PCDHA9: variants seen among roughly 807,000 people sequenced by gnomAD.
PCDHA9 encodes protocadherin alpha-9.
PCDHA9 carries 62 observed loss-of-function variants against 62.0 expected under a neutral mutation model. That is an observed-to-expected ratio of 1.00 (90% CI 0.81 to 1.23). PCDHA9 has a LOEUF of 1.23. PCDHA9 is among the 50% of genes most tolerant of loss of function. The probability of loss-of-function intolerance (pLI) is 0.00; values close to 1 mark genes in which losing one functional copy is unlikely to be tolerated. For missense variants in PCDHA9, 1,205 were observed against 1,249.8 expected (o/e 0.96, Z 0.54); for synonymous variants, 557 against 567.6 (o/e 0.98, Z 0.27).
intron 1 of PCDHA9, chr5:140,865,312 G>A (rs949727799): frequency 1.1e-4 from 17 of 152,148 alleles, no homozygotes; most frequent in African/African-American, 4.1e-4. Context: ...TTACAAATGA[G>A]ATGGCCTTTA....
At chr5:140,887,108 T>A (rs2061306818) in intron 1 of PCDHA9, among the ~76,000 whole-genome samples, 1 of 152,084 alleles carries the variant, frequency 6.6e-6, no homozygotes, top group Non-Finnish European at 1.5e-5. Context: ...TCTCTTTTTT[T>A]TTTTTTGAGA....
At chr5:140,976,338 G>A (rs1554237535) in intron 1 of PCDHA9, among the ~76,000 whole-genome samples, 1 of 152,018 alleles carries the variant, frequency 6.6e-6, no homozygotes, top group Non-Finnish European at 1.5e-5. Flanking sequence ...ATTGCCTGAG[G>A]TCAGGTGTTC....
At chr5:140,894,042 C>T (rs1180138209) in intron 1 of PCDHA9, among the ~76,000 whole-genome samples, 2 of 152,078 alleles carry the variant, frequency 1.3e-5, no homozygotes, top group African/African-American at 2.4e-5. Context: ...TAATGTAAGT[C>T]CTCTGTTGAA....
intron 1 of PCDHA9, among the ~76,000 whole-genome samples, chr5:140,976,735 T>G (rs1412647375): frequency 1.3e-5 from 2 of 152,160 alleles, no homozygotes; most frequent in Non-Finnish European, 2.9e-5. Flanking sequence ...TTAAACACAT[T>G]TTAAAAACCT....
Position 140,856,935 on chromosome 5 carries a change from A to G in PCDHA9, c.2394+6046A>G, listed in dbSNP as rs1554149306. 4 of 1,594,120 alleles carry G rather than the reference A, an allele frequency of 2.5e-6. 1 individual carries two copies. The African/African-American group carries it at 5.4e-5, about 21-fold the overall frequency. ...ATAAGAAGGAAATTTTGGATAAACGAAAGGACGGGAGAAATAAAAGTAAAT... is the reference window on the plus strand; with the variant it reads ...ATAAGAAGGAAATTTTGGATAAACGGAAGGACGGGAGAAATAAAAGTAAAT... On this transcript the variant is annotated intron_variant, in intron 1 of 3. Transcript: ENST00000532602.
intron 1 of PCDHA9, chr5:140,928,095 G>A (rs782045221): frequency 6.2e-7 from 1 of 1,614,190 alleles, no homozygotes; most frequent in African/African-American, 1.3e-5. Flanking sequence ...TGATTGATGG[G>A]CCCCTGGACC....
intron 1 of PCDHA9, chr5:140,929,314 G>A: frequency 6.4e-7 from 1 of 1,560,184 alleles, no homozygotes; most frequent in Non-Finnish European, 8.7e-7. Flanking sequence ...TCACGCTAAT[G>A]TCAATGCCAT....
chr5:140,976,244 A>G (rs996854178), intron 1 of PCDHA9, among the ~76,000 whole-genome samples: 1 of 152,160 alleles, frequency 6.6e-6, no homozygotes, highest in Non-Finnish European at 1.5e-5. Context: ...CATTTCATGT[A>G]AATTTATTTA....
intron 1 of PCDHA9, among the ~76,000 whole-genome samples, chr5:140,946,079 G>A (rs2093884371): frequency 6.6e-6 from 1 of 151,926 alleles, no homozygotes; most frequent in African/African-American, 2.4e-5. Context: ...GCAAACCACA[G>A]ATCTGATAAG....
rs2150475793 is a variant in PCDHA9, at chr5:140,850,253, C to T, written c.1758C>T (p.Gly586=). The T allele has an allele frequency of 4.7e-5, 75 of 1,593,644 alleles. 4 individuals carry two copies. The highest frequency in any genetic ancestry group is 6.3e-5 in the Non-Finnish European group (73 of 1,167,036). The change falls in exon 1 of 4, where the codon GGC becomes GGT. Residue 586 remains glycine (G), a synonymous_variant. Coordinates refer to ENST00000532602, the MANE Select transcript of PCDHA9 (RefSeq NM_031857.2). ...GCGAGATGGTGCTGCGGTCGGTGGG[C>T]GCCGGCGTAGTGGTGGGGAAGGTGC... ...AVSEMVLRSV[G]AGVVVGKVRA...
rs1554177749 is a variant in PCDHA9 at position 140,883,345 on chromosome 5, C to T, written c.2394+32456C>T. The T allele has an allele frequency of 1.9e-6, 3 of 1,614,050 alleles. No homozygotes were observed. In the African/African-American group the frequency reaches 4.0e-5, roughly 22 times the overall value. On this transcript the variant is annotated intron_variant, in intron 1 of 3. Transcript: ENST00000532602. ...CCATCACTTCTTTGTCACTCCCCAT[C>T]AGAGAAGACACTCAGCCTAGCGCCA...
Position 141,010,990 on chromosome 5 carries a change from A to G in PCDHA9, c.*1053A>G, listed in dbSNP as rs1399914066. The stretch of plus-strand genomic sequence containing the variant: ...GTGCTTTAAGAGAATTGCCTGAAAC[A>G]TCTGTATTATATCGGCCACCTGCCA... On this transcript the variant is annotated 3_prime_UTR_variant, in exon 4 of 4. Transcript: ENST00000532602. The G allele has an allele frequency of 6.5e-6, 1 of 153,770 alleles. No individual in the cohort carries two copies. Among genetic ancestry groups the G allele is most frequent in the Non-Finnish European group, 1.5e-5 (1 of 68,054 alleles). 9.5% of individuals were successfully genotyped at this position (153,770 alleles called of 1,614,324 possible). A position where few individuals can be genotyped will look rare whatever the true frequency, so the allele number is the denominator to read the frequency against.
intron 1 of PCDHA9, chr5:140,870,277 G>C: frequency 6.2e-7 from 1 of 1,614,168 alleles, no homozygotes; most frequent in South Asian, 1.1e-5. Flanking sequence ...GACGCCCCAC[G>C]TTCCCTTCAA....
intron 1 of PCDHA9, among the ~76,000 whole-genome samples, chr5:140,964,657 G>A (rs2067599): frequency 0.18 from 27,796 of 151,812 alleles, 2,893 homozygotes; most frequent in African/African-American, 0.28. Context: ...TAATGGGTGA[G>A]GACACAGGCC....
At chr5:140,924,901 A>AAAAAT (rs10667761) in intron 1 of PCDHA9, among the ~76,000 whole-genome samples, 10,380 of 79,870 alleles carry the variant, frequency 0.13, 426 homozygotes, top group East Asian at 0.37. Context: ...TCTCAAAAAA[A>AAAAAT]AAAATAAAAT....
intron 3 of PCDHA9, among the ~76,000 whole-genome samples, chr5:140,989,708 G>T (rs2097355537): frequency 6.6e-6 from 1 of 152,154 alleles, no homozygotes; most frequent in South Asian, 2.1e-4. Context: ...ATCTTCAGAG[G>T]CAGTCAGCTT....
At chr5:140,967,166 G>T (rs563863114) in intron 1 of PCDHA9, 1 of 1,611,394 alleles carries the variant, frequency 6.2e-7, no homozygotes, top group South Asian at 1.1e-5. Context: ...GGTGAGCGCC[G>T]TTGAGGTGGA....
chr5:140,862,382 G>T, intron 1 of PCDHA9: 1 of 345,046 alleles, frequency 2.9e-6, no homozygotes, highest in South Asian at 2.3e-5. Flanking sequence ...GACTCCTCAC[G>T]TCTCTTCAAG....
At chr5:141,008,843 G>A (rs1474787733) in intron 3 of PCDHA9, among the ~76,000 whole-genome samples, 7 of 152,114 alleles carry the variant, frequency 4.6e-5, no homozygotes, top group Non-Finnish European at 1.0e-4. Context: ...CTTACGCTGT[G>A]TATTCCCATC....
Sources: allele counts gnomAD v4.1 joint callset (sites outside exome capture counted in the v4.1 genomes callset), GRCh38; gene constraint gnomAD v4.1.1; transcripts MANE v1.5; gene names NCBI Gene and HGNC (gene_info 2026-07-23, HGNC 2026-07-21).